Variants in LARP4 observed in about 807,000 individuals in gnomAD.
The protein encoded by LARP4 is La ribonucleoprotein 4, also known as la-related protein 4.
LARP4 carries 29 observed loss-of-function variants against 92.9 expected under a neutral mutation model. The observed-to-expected ratio is 0.31, with a 90% confidence interval of 0.23 to 0.43. LARP4 has a LOEUF of 0.43. LARP4 is among the 20% of genes least tolerant of loss of function. LARP4 has a pLI of 1.00. For synonymous variants in LARP4, 279 were observed against 284.1 expected, an observed-to-expected ratio of 0.98 and a Z score of 0.18; for missense variants, 732 against 860.0, an observed-to-expected ratio of 0.85 and a Z score of 1.86.
chr12:50,438,532 T>C (rs1950760353), intron 6 of LARP4, among the ~76,000 whole-genome samples: 1 of 151,632 alleles, frequency 6.6e-6, no homozygotes. Context: ...ACTAACCCTA[T>C]TGTTCAGCGA....
chr12:50,405,807 A>T (rs1402503074), intron 1 of LARP4, among the ~76,000 whole-genome samples: 1 of 152,212 alleles, frequency 6.6e-6, no homozygotes. Context: ...CCCTCTGTAG[A>T]TGCCAAAAAC....
intron 15 of LARP4, 47 bp downstream of exon 15, chr12:50,474,214 GA>G (rs759942189): frequency 5.2e-6 from 7 of 1,356,706 alleles, no homozygotes; most frequent in Non-Finnish European, 7.1e-6. Flanking sequence ...CAATAGATTA[GA>G]TTTTTTTTTT....
chr12:50,466,706 A>G (rs1474065470), intron 12 of LARP4, among the ~76,000 whole-genome samples: 1 of 152,210 alleles, frequency 6.6e-6, no homozygotes, highest in Non-Finnish European at 1.5e-5. Flanking sequence ...AAGACTGGTT[A>G]GAAGGCTTAA....
chr12:50,454,239 AT>A, intron 9 of LARP4, 74 bp from the exon 10 acceptor site: 1 of 1,060,108 alleles, frequency 9.4e-7, no homozygotes, highest in South Asian at 1.5e-5. Context: ...TCATAAGCTC[AT>A]TAAGGTTCTT....
chr12:50,445,305 A>G (rs1183100156), intron 8 of LARP4, among the ~76,000 whole-genome samples: 5 of 152,098 alleles, frequency 3.3e-5, no homozygotes, highest in Middle Eastern at 3.2e-3. Context: ...TTCTGATGAG[A>G]TGTTCACCAT....
At chr12:50,437,880 A>T in intron 6 of LARP4, 42 bp downstream of exon 6, 1 of 1,292,078 alleles carries the variant, frequency 7.7e-7, no homozygotes, top group Non-Finnish European at 1.1e-6. Flanking sequence ...TTCTCTGTTT[A>T]AATTAAAAGA....
At chr12:50,439,816 T>C (rs559634311) in intron 6 of LARP4, among the ~76,000 whole-genome samples, 37 of 152,218 alleles carry the variant, frequency 2.4e-4, no homozygotes, top group Non-Finnish European at 4.3e-4. Context: ...ATTAACAGTT[T>C]TACCATTTTG....
At chr12:50,426,003 A>G (rs1476467531) in intron 1 of LARP4, among the ~76,000 whole-genome samples, 1 of 151,736 alleles carries the variant, frequency 6.6e-6, no homozygotes, top group East Asian at 1.9e-4. Context: ...CTTCTCTAGA[A>G]TCTCTCTACT....
chr12:50,454,026 C>T (rs551751693), intron 9 of LARP4, among the ~76,000 whole-genome samples: 11 of 152,132 alleles, frequency 7.2e-5, no homozygotes, highest in Middle Eastern at 3.4e-3. Context: ...AATTTTATTC[C>T]ATAAAATTTG....
In LARP4 at chr12:50,428,017, A is replaced by T. The variant is rs1028607871; in HGVS notation, c.166+108A>T. ...TCTTTTTTTTTTTTTTTTTTTTGAG[A>T]CAGAGTCTTCCTCTGTCACCCAGGC... On this transcript the variant is annotated intron_variant, in intron 2 of 15. Transcript: ENST00000398473. 6.2e-5 allele frequency: 37 copies of T among 598,398 alleles called. No individual in the cohort carries two copies. In the African/African-American group the frequency reaches 8.8e-4, roughly 14 times the overall value. 37.1% of individuals were successfully genotyped at this position (598,398 alleles called of 1,614,324 possible). A position where few individuals can be genotyped will look rare whatever the true frequency, so the allele number is the denominator to read the frequency against.
chr12:50,418,148 A>G (rs1038048919), intron 1 of LARP4, among the ~76,000 whole-genome samples: 2 of 152,168 alleles, frequency 1.3e-5, no homozygotes, highest in East Asian at 3.9e-4. Flanking sequence ...GGTGTGAGCC[A>G]CTGCGCCTGG....
At chr12:50,411,066 T>C (rs932521521) in intron 1 of LARP4, among the ~76,000 whole-genome samples, 1 of 152,228 alleles carries the variant, frequency 6.6e-6, no homozygotes, top group Non-Finnish European at 1.5e-5. Flanking sequence ...GTTTCCTTGC[T>C]GTTCAAAGTG....
Position 50,476,038 on chromosome 12 carries a change from T to C in LARP4, c.*174T>C. Reference sequence around the variant, plus strand: ...ATAGGATCCCAAAATTCATCTCTAATGTGGTTTTTAAATGCTGGAGGATTC... The same window carrying C: ...ATAGGATCCCAAAATTCATCTCTAACGTGGTTTTTAAATGCTGGAGGATTC... On this transcript the variant is annotated 3_prime_UTR_variant, in exon 16 of 16. Coordinates refer to ENST00000398473, the MANE Select transcript of LARP4 (RefSeq NM_052879.5). 2.0e-6 allele frequency: 1 copy of C among 501,328 alleles called. No homozygotes were observed. 31.1% of individuals were successfully genotyped at this position (501,328 alleles called of 1,614,324 possible). A position where few individuals can be genotyped will look rare whatever the true frequency, so the allele number is the denominator to read the frequency against.
chr12:50,415,449 C>T (rs931689618), intron 1 of LARP4, among the ~76,000 whole-genome samples: 6 of 151,978 alleles, frequency 3.9e-5, no homozygotes, highest in African/African-American at 1.4e-4. Flanking sequence ...AGTGAAATAG[C>T]GTACCCCATC....
chr12:50,473,146 A>G (rs775796767), intron 13 of LARP4, among the ~76,000 whole-genome samples: 2 of 152,098 alleles, frequency 1.3e-5, no homozygotes, highest in Non-Finnish European at 2.9e-5. Context: ...GAACTGCTAC[A>G]TTGCTTTCTA....
chr12:50,426,239 G>A (rs911695515), intron 1 of LARP4, among the ~76,000 whole-genome samples: 1 of 152,162 alleles, frequency 6.6e-6, no homozygotes, highest in African/African-American at 2.4e-5. Context: ...GGGCTTGCTG[G>A]TGGGTAGGCA....
intron 8 of LARP4, among the ~76,000 whole-genome samples, chr12:50,448,165 C>T (rs557309188): frequency 6.2e-4 from 94 of 152,064 alleles, no homozygotes; most frequent in Non-Finnish European, 1.2e-3. Context: ...AGGTCTGGCC[C>T]CAGCCCCCAG....
At chr12:50,410,472 C>G (rs976880098) in intron 1 of LARP4, among the ~76,000 whole-genome samples, 1 of 149,092 alleles carries the variant, frequency 6.7e-6, no homozygotes, top group African/African-American at 2.5e-5. Context: ...GTAGTGCAAT[C>G]TCTGCTCACT....
At chr12:50,474,929 A>AG (rs1957383402) in intron 15 of LARP4, among the ~76,000 whole-genome samples, 1 of 152,250 alleles carries the variant, frequency 6.6e-6, no homozygotes, top group African/African-American at 2.4e-5. Context: ...CTAGCATTTT[A>AG]GTACAGCACT....
Sources: allele counts gnomAD v4.1 joint callset (sites outside exome capture counted in the v4.1 genomes callset), GRCh38; gene constraint gnomAD v4.1.1; transcripts MANE v1.5; gene names NCBI Gene and HGNC (gene_info 2026-07-23, HGNC 2026-07-21).